Variants in CRX observed in about 807,000 individuals in gnomAD.
The protein encoded by CRX is cone-rod homeobox protein.
In CRX, 5 loss-of-function variants were observed where a neutral mutation model predicts 13.1. That is an observed-to-expected ratio of 0.38 (90% CI 0.20 to 0.80). CRX has a LOEUF of 0.80. CRX is among the 30% of genes least tolerant of loss of function. The probability of loss-of-function intolerance (pLI) is 0.43; values close to 1 mark genes in which losing one functional copy is unlikely to be tolerated. For synonymous variants in CRX, 179 were observed against 171.1 expected (o/e 1.05, Z -0.36); for missense variants, 351 against 391.8 (o/e 0.90, Z 0.88).
At chr19:47,832,123 T>TTTTTTTTTTTA (rs1968056947) in intron 1 of CRX, among the ~76,000 whole-genome samples, 5 of 137,802 alleles carry the variant, frequency 3.6e-5, no homozygotes, top group African/African-American at 5.6e-5. Flanking sequence ...TTTTTTTTTT[T>TTTTTTTTTTTA]GAGACGGAGT....
intron 1 of CRX, among the ~76,000 whole-genome samples, chr19:47,828,154 CA>C (rs1231419266): frequency 3.2e-4 from 46 of 144,270 alleles, no homozygotes; most frequent in South Asian, 8.8e-4. Flanking sequence ...GACTTCATCT[CA>C]AAAAAAAAAA....
At chr19:47,830,011 A>T (rs987428638) in intron 1 of CRX, among the ~76,000 whole-genome samples, 2 of 149,368 alleles carry the variant, frequency 1.3e-5, no homozygotes, top group Non-Finnish European at 3.0e-5. Flanking sequence ...TCCTTTGAAT[A>T]TATAAATATT....
chr19:47,836,215 G>C, intron 2 of CRX, 28 bp from the exon 3 acceptor site: 1 of 1,613,916 alleles, frequency 6.2e-7, no homozygotes, highest in Non-Finnish European at 8.5e-7. Flanking sequence ...TGGATGACCT[G>C]AGGGTCCTGT....
At position 47,822,027 on chromosome 19, in the gene CRX, G is replaced by A. The variant is rs1192855132; in HGVS notation, c.-36+17G>A. 1 of 152,860 alleles carries A rather than the reference G, an allele frequency of 6.5e-6. No individual in the cohort carries two copies. Among genetic ancestry groups the A allele is most frequent in the Non-Finnish European group, 1.5e-5 (1 of 68,174 alleles). The allele number at this position is 152,860 out of a possible 1,614,324, so 9.5% of individuals were successfully genotyped here. On this transcript the variant is annotated intron_variant, in intron 1 of 3. Transcript: ENST00000221996. The stretch of plus-strand genomic sequence containing the variant: ...TTTCTGAAGGTGAGCGTCTGCAGGA[G>A]AGGCGGAGGGGACCGAGGAGGGGAG...
chr19:47,841,658 C>T lies in CRX; in HGVS notation c.*1691C>T, dbSNP rs546459873. ...TTGAGGACATTTTCCTGGGGTGGCA[C>T]CATTATTTCTTGAAATAGAATCTTA... On this transcript the variant is annotated 3_prime_UTR_variant, in exon 4 of 4. Transcript: ENST00000221996. 6.7e-6 allele frequency: 1 copy of T among 149,232 alleles called. No individual in the cohort carries two copies. The highest frequency in any genetic ancestry group is 2.1e-4 in the South Asian group (1 of 4,708). The allele number at this position is 149,232 out of a possible 1,614,324, so 9.2% of individuals were successfully genotyped here.
At position 47,839,801 on chromosome 19, in the gene CRX, C is replaced by T; in HGVS notation, c.734C>T (p.Ser245Phe). The T allele has an allele frequency of 6.2e-7, 1 of 1,614,142 alleles. No homozygotes were observed. Among genetic ancestry groups the T allele is most frequent in the Non-Finnish European group, 8.5e-7 (1 of 1,180,022 alleles). Reference protein sequence around the residue: ...SPLSGPSVGPSLAQSPTSLSG... With the variant: ...SPLSGPSVGPFLAQSPTSLSG... ...CTCTCTGGCCCCTCCGTGGGACCTT[C>T]CCTGGCCCAGTCCCCCACCTCCCTA... The change falls in exon 4 of 4, where the codon TCC becomes TTC. Residue 245 changes from serine to phenylalanine, a missense_variant. Ser to Phe is a radical substitution (Grantham distance 155). This residue lies in a region of CRX where 253 missense variants were observed against 268.3 expected (regional missense o/e 0.94). Transcript: ENST00000221996. The surrounding 1 kb of genome is among the most constrained non-coding windows in gnomAD (Gnocchi z 4.6).
intron 1 of CRX, among the ~76,000 whole-genome samples, chr19:47,830,265 C>T (rs772454052): frequency 8.7e-4 from 131 of 150,954 alleles, no homozygotes; most frequent in Non-Finnish European, 1.4e-3. Flanking sequence ...GCTATGGCAA[C>T]GCCGCTGCAC....
intron 1 of CRX, among the ~76,000 whole-genome samples, chr19:47,831,329 A>T (rs2123735155): frequency 7.0e-6 from 1 of 142,168 alleles, no homozygotes; most frequent in African/African-American, 2.6e-5. Flanking sequence ...AAAAAAAAAG[A>T]ATAGTAAATC....
At chr19:47,822,423 T>C (rs1967923125) in intron 1 of CRX, among the ~76,000 whole-genome samples, 1 of 152,268 alleles carries the variant, frequency 6.6e-6, no homozygotes, top group South Asian at 2.1e-4. Context: ...GATCCACAAA[T>C]GGCCTGTCTC....
intron 1 of CRX, among the ~76,000 whole-genome samples, chr19:47,823,738 C>T (rs1967940960): frequency 6.6e-6 from 1 of 151,770 alleles, no homozygotes; most frequent in South Asian, 2.1e-4. Context: ...CAACCTCCAC[C>T]TCCCAGGTTC....
At chr19:47,831,689 G>C (rs951725615) in intron 1 of CRX, among the ~76,000 whole-genome samples, 1 of 152,116 alleles carries the variant, frequency 6.6e-6, no homozygotes, top group Non-Finnish European at 1.5e-5. Context: ...AGATGACTTG[G>C]AAATGGCATG....
chr19:47,830,187 T>C, intron 1 of CRX, among the ~76,000 whole-genome samples: 1 of 152,068 alleles, frequency 6.6e-6, no homozygotes, highest in East Asian at 1.9e-4. Flanking sequence ...CTCATGTCTG[T>C]AGTCCTAGCA....
intron 1 of CRX, among the ~76,000 whole-genome samples, chr19:47,833,992 G>T (rs116724220): frequency 0.013 from 1,798 of 143,186 alleles, 40 homozygotes; most frequent in African/African-American, 0.042. Context: ...ACTTTTTAAA[G>T]AACACTTTTT....
At chr19:47,837,368 T>C (rs898779120) in intron 3 of CRX, among the ~76,000 whole-genome samples, 2 of 152,090 alleles carry the variant, frequency 1.3e-5, no homozygotes, top group African/African-American at 4.8e-5. Context: ...GGTTTCACCA[T>C]GTTGGCCAGG....
intron 3 of CRX, among the ~76,000 whole-genome samples, chr19:47,838,152 T>C: frequency 6.6e-6 from 1 of 152,140 alleles, no homozygotes; most frequent in East Asian, 1.9e-4. Context: ...GTCTGTATGA[T>C]CAGATGGATG....
intron 3 of CRX, among the ~76,000 whole-genome samples, chr19:47,837,518 C>A (rs1968131970): frequency 6.6e-6 from 1 of 152,112 alleles, no homozygotes; most frequent in South Asian, 2.1e-4. Context: ...TATGATTGGA[C>A]TGATAAATAA....
At chr19:47,825,536 G>C (rs1028697287) in intron 1 of CRX, among the ~76,000 whole-genome samples, 5 of 152,136 alleles carry the variant, frequency 3.3e-5, no homozygotes, top group Non-Finnish European at 7.3e-5. Flanking sequence ...CTGACATCTT[G>C]TCTAGGCAGC....
intron 3 of CRX, among the ~76,000 whole-genome samples, chr19:47,837,697 C>G (rs1365568454): frequency 1.3e-5 from 2 of 151,814 alleles, no homozygotes; most frequent in African/African-American, 4.8e-5. Flanking sequence ...TTAGATAGAT[C>G]CATTAATGCA....
In CRX at chr19:47,839,692, G is replaced by A. The variant is rs992086011; in HGVS notation, c.625G>A (p.Gly209Arg). 4 of 1,613,860 alleles carry A rather than the reference G, an allele frequency of 2.5e-6. No individual in the cohort carries two copies. The highest frequency in any genetic ancestry group is 1.1e-5 in the South Asian group (1 of 91,074). Residue 209 changes from glycine to arginine, a missense_variant, in exon 4 of 4, where the codon GGG (glycine) becomes AGG (arginine). Around this residue, in one of 3 missense-constraint regions of CRX, gnomAD observed 253 missense variants for 268.3 expected, o/e 0.94. Coordinates refer to ENST00000221996, the MANE Select transcript of CRX (RefSeq NM_000554.6). This position sits in a 1 kb window ranked among gnomAD's most constrained non-coding sequence, Gnocchi z 4.6. ...TTTCTGCTCTTCCCCCTCCGCCTAT[G>A]GGTCTCCGAGCTCCTATTTCAGCGG... is the stretch of plus-strand genomic sequence containing the variant. ...SAFCSSPSAYGSPSSYFSGLD... is the reference protein window; with the variant it reads ...SAFCSSPSAYRSPSSYFSGLD...
Sources: allele counts gnomAD v4.1 joint callset (sites outside exome capture counted in the v4.1 genomes callset), GRCh38; gene constraint gnomAD v4.1.1; regional missense constraint gnomAD v4.1.1; non-coding constraint Gnocchi (gnomAD v3.1); transcripts MANE v1.5; gene names NCBI Gene and HGNC (gene_info 2026-07-23, HGNC 2026-07-21).